DEPTOR: variants seen among roughly 807,000 people sequenced by gnomAD.
DEPTOR encodes DEP domain-containing mTOR-interacting protein.
DEPTOR carries 41 observed loss-of-function variants against 41.6 expected under a neutral mutation model. That is an observed-to-expected ratio of 0.98 (90% CI 0.77 to 1.28). The LOEUF is 1.28. DEPTOR is among the 50% of genes most tolerant of loss of function. The probability of loss-of-function intolerance (pLI) is 0.00; values close to 1 mark genes in which losing one functional copy is unlikely to be tolerated. For synonymous variants in DEPTOR, 195 were observed against 192.3 expected (o/e 1.01, Z -0.12); for missense variants, 514 against 527.9 (o/e 0.97, Z 0.26).
chr8:119,913,131 G>A (rs1232402963), intron 1 of DEPTOR, among the ~76,000 whole-genome samples: 1 of 152,164 alleles, frequency 6.6e-6, no homozygotes, highest in Non-Finnish European at 1.5e-5. Context: ...CAGTTGGCCA[G>A]GCTGGTCTTG....
At chr8:120,027,948 T>C (rs1812823493) in intron 8 of DEPTOR, among the ~76,000 whole-genome samples, 1 of 151,908 alleles carries the variant, frequency 6.6e-6, no homozygotes, top group Admixed American at 6.6e-5. Flanking sequence ...ATCAGCACGG[T>C]TTGGAAACTC....
intron 8 of DEPTOR, among the ~76,000 whole-genome samples, chr8:120,043,393 T>C (rs1334403701): frequency 1.3e-5 from 2 of 152,232 alleles, no homozygotes; most frequent in African/African-American, 2.4e-5. Flanking sequence ...TAAGTTTACA[T>C]ATTATTCAGA....
At chr8:119,984,463 C>A (rs1033953720) in intron 4 of DEPTOR, among the ~76,000 whole-genome samples, 1 of 152,108 alleles carries the variant, frequency 6.6e-6, no homozygotes, top group Non-Finnish European at 1.5e-5. Context: ...GTTCCCCTCC[C>A]TGTGTCCATG....
chr8:119,990,380 A>G (rs997018102), intron 4 of DEPTOR, among the ~76,000 whole-genome samples: 10 of 151,998 alleles, frequency 6.6e-5, no homozygotes, highest in African/African-American at 2.4e-4. Context: ...GATGGTCTCA[A>G]TCTCCTGACC....
intron 1 of DEPTOR, among the ~76,000 whole-genome samples, chr8:119,882,547 C>A (rs1487600205): frequency 6.6e-6 from 1 of 151,938 alleles, no homozygotes; most frequent in African/African-American, 2.4e-5. Context: ...GTATCTGAGA[C>A]TCAGGCATGT....
At chr8:120,028,044 G>C (rs1812826312) in intron 8 of DEPTOR, among the ~76,000 whole-genome samples, 1 of 152,204 alleles carries the variant, frequency 6.6e-6, no homozygotes, top group Admixed American at 6.5e-5. Flanking sequence ...ATCCGGTCAT[G>C]TTGTTGGATA....
At chr8:119,940,140 G>T (rs565646513) in intron 3 of DEPTOR, among the ~76,000 whole-genome samples, 1 of 151,450 alleles carries the variant, frequency 6.6e-6, no homozygotes, top group Non-Finnish European at 1.5e-5. Flanking sequence ...TCGCTTGAAC[G>T]CAGGAGGTGG....
intron 4 of DEPTOR, among the ~76,000 whole-genome samples, chr8:119,988,490 AAT>A (rs1380475660): frequency 5.1e-5 from 7 of 137,566 alleles, no homozygotes; most frequent in African/African-American, 1.9e-4. Flanking sequence ...TTATTTTACA[AAT>A]ATTTTTTTGA....
intron 3 of DEPTOR, among the ~76,000 whole-genome samples, chr8:119,957,853 T>C (rs1363861709): frequency 6.6e-6 from 1 of 152,174 alleles, no homozygotes; most frequent in Non-Finnish European, 1.5e-5. Flanking sequence ...CCTCCCAAAG[T>C]GCTGGGATTT....
chr8:119,974,664 T>G (rs1205082550), intron 4 of DEPTOR, among the ~76,000 whole-genome samples: 1 of 151,742 alleles, frequency 6.6e-6, no homozygotes, highest in Non-Finnish European at 1.5e-5. Context: ...CCCAGTTACT[T>G]GGGAGGTTGA....
At chr8:119,958,796 A>G (rs1375110154) in intron 3 of DEPTOR, among the ~76,000 whole-genome samples, 1 of 151,766 alleles carries the variant, frequency 6.6e-6, no homozygotes, top group African/African-American at 2.4e-5. Flanking sequence ...AAAAAAAGAA[A>G]AAGAAGAAGA....
intron 1 of DEPTOR, among the ~76,000 whole-genome samples, chr8:119,911,845 C>A (rs899254012): frequency 4.6e-5 from 7 of 152,158 alleles, no homozygotes; most frequent in African/African-American, 1.4e-4. Flanking sequence ...GGTTTGCATT[C>A]TGTACTACAC....
intron 8 of DEPTOR, among the ~76,000 whole-genome samples, chr8:120,023,223 T>A (rs1563595300): frequency 6.6e-6 from 1 of 152,014 alleles, no homozygotes; most frequent in African/African-American, 2.4e-5. Flanking sequence ...TTAACTTTAA[T>A]TACTTTCTTT....
intron 4 of DEPTOR, 37 bp downstream of exon 4, chr8:119,965,447 C>G (rs745727920): frequency 6.3e-7 from 1 of 1,596,166 alleles, no homozygotes. Context: ...CAGGAACAAA[C>G]AGCCAGCCCC....
intron 8 of DEPTOR, among the ~76,000 whole-genome samples, chr8:120,025,985 G>A (rs1238942522): frequency 1.1e-5 from 1 of 89,858 alleles, no homozygotes; most frequent in Non-Finnish European, 2.3e-5. Context: ...TAGGACTTTT[G>A]ATTTTTTTTT....
At chr8:119,962,705 T>C (rs1424052009) in intron 3 of DEPTOR, among the ~76,000 whole-genome samples, 1 of 152,022 alleles carries the variant, frequency 6.6e-6, no homozygotes, top group African/African-American at 2.4e-5. Flanking sequence ...GACTTAGGGG[T>C]CCAAGGTTGG....
At chr8:119,958,438 A>C (rs905814087) in intron 3 of DEPTOR, among the ~76,000 whole-genome samples, 1 of 152,120 alleles carries the variant, frequency 6.6e-6, no homozygotes, top group South Asian at 2.1e-4. Context: ...CTTTCATTGC[A>C]TCCTGTTGGT....
intron 1 of DEPTOR, among the ~76,000 whole-genome samples, chr8:119,875,523 A>G (rs920719295): frequency 2.6e-5 from 4 of 152,180 alleles, no homozygotes; most frequent in African/African-American, 9.7e-5. Flanking sequence ...TCATCAATAT[A>G]TTGAATAAGG....
chr8:119,937,164 G>A (rs1586623146), intron 3 of DEPTOR, among the ~76,000 whole-genome samples: 1 of 152,164 alleles, frequency 6.6e-6, no homozygotes, highest in East Asian at 1.9e-4. Context: ...CACTTTGGGA[G>A]GCCGAGGCAG....
Sources: gnomAD v4.1 joint callset for allele counts (sites outside exome capture counted in the v4.1 genomes callset) on GRCh38, gnomAD v4.1.1 for gene constraint, MANE v1.5 for transcripts, NCBI Gene and HGNC (gene_info 2026-07-23, HGNC 2026-07-21) for gene names.